PHF14: variants seen among roughly 807,000 people sequenced by gnomAD.
PHF14 encodes PHD finger protein 14.
A neutral mutation model predicts 117.9 loss-of-function variants in PHF14; 55 were observed. That is an observed-to-expected ratio of 0.47 (90% CI 0.38 to 0.58). The LOEUF is 0.58. PHF14 is among the 20% of genes least tolerant of loss of function. The pLI is 0.00. For synonymous variants in PHF14, 409 were observed against 368.6 expected (o/e 1.11, Z -1.26); for missense variants, 978 against 1,122.2 (o/e 0.87, Z 1.84).
chr7:11,056,920 T>G (rs945830598), intron 14 of PHF14, among the ~76,000 whole-genome samples: 1 of 151,644 alleles, frequency 6.6e-6, no homozygotes, highest in African/African-American at 2.4e-5. Context: ...TAATGCTATT[T>G]AGCTTAACAG....
At chr7:11,072,983 C>T (rs1402152578) in intron 16 of PHF14, among the ~76,000 whole-genome samples, 1 of 152,132 alleles carries the variant, frequency 6.6e-6, no homozygotes, top group African/African-American at 2.4e-5. Context: ...GGGATCTGCC[C>T]CTGTGGTCCA....
intron 17 of PHF14, among the ~76,000 whole-genome samples, chr7:11,161,023 G>T (rs1019749931): frequency 4.6e-5 from 7 of 152,124 alleles, no homozygotes; most frequent in Non-Finnish European, 7.4e-5. Flanking sequence ...CCTAGGTTTT[G>T]CTCTAAGATT....
intron 12 of PHF14, among the ~76,000 whole-genome samples, chr7:11,042,113 T>C (rs763454725): frequency 1.4e-4 from 22 of 151,932 alleles, no homozygotes; most frequent in Non-Finnish European, 2.8e-4. Context: ...ATGTGTGCGT[T>C]TTTAATTTTT....
chr7:11,117,621 G>GTATAAATACAAATATGTATTTT (rs1562474275), intron 17 of PHF14, among the ~76,000 whole-genome samples: 2 of 70,892 alleles, frequency 2.8e-5, no homozygotes, highest in African/African-American at 4.6e-5. Context: ...ATATGTATTT[G>GTATAAATACAAATATGTATTTT]TATGTATAAA....
intron 16 of PHF14, chr7:11,107,340 TAC>T: frequency 1.1e-6 from 1 of 920,008 alleles, no homozygotes; most frequent in Non-Finnish European, 1.3e-6. Flanking sequence ...GTATTTTACA[TAC>T]ATATAGACTG....
chr7:11,161,253 A>G (rs1008755677), intron 17 of PHF14, among the ~76,000 whole-genome samples: 1 of 152,164 alleles, frequency 6.6e-6, no homozygotes, highest in African/African-American at 2.4e-5. Flanking sequence ...TTTTCTCTCA[A>G]TACAAGTTTT....
chr7:11,013,381 C>T (rs1181140305), intron 4 of PHF14, among the ~76,000 whole-genome samples: 2 of 152,046 alleles, frequency 1.3e-5, no homozygotes, highest in African/African-American at 2.4e-5. Flanking sequence ...AGGCTGGTCT[C>T]GAACTCCTCA....
chr7:10,995,093 T>C (rs953810196), intron 4 of PHF14, among the ~76,000 whole-genome samples: 6 of 152,180 alleles, frequency 3.9e-5, no homozygotes, highest in African/African-American at 1.2e-4. Context: ...AGAGCACTGA[T>C]TGGTGCATTT....
chr7:11,107,822 T>A, intron 16 of PHF14: 1 of 751,046 alleles, frequency 1.3e-6, no homozygotes, highest in Non-Finnish European at 1.6e-6. Flanking sequence ...TTTGATAAAT[T>A]TTGTCCTATA....
intron 16 of PHF14, among the ~76,000 whole-genome samples, chr7:11,072,334 A>G (rs1052110415): frequency 1.8e-4 from 27 of 152,226 alleles, no homozygotes; most frequent in African/African-American, 6.3e-4. Flanking sequence ...TAAACCATTC[A>G]TGAGAAATCT....
intron 16 of PHF14, 160 bp downstream of exon 16, chr7:11,062,245 C>T: frequency 1.9e-6 from 1 of 524,110 alleles, no homozygotes; most frequent in Non-Finnish European, 3.3e-6. Context: ...ACTTCTTAAC[C>T]TCTCACACAT....
chr7:11,148,808 A>G (rs1788626613), intron 17 of PHF14, among the ~76,000 whole-genome samples: 2 of 152,216 alleles, frequency 1.3e-5, no homozygotes, highest in South Asian at 4.1e-4. Flanking sequence ...TCTAGTTAGA[A>G]GAAAAAGCGC....
intron 13 of PHF14, among the ~76,000 whole-genome samples, chr7:11,044,829 G>C (rs975021922): frequency 1.3e-5 from 2 of 152,050 alleles, no homozygotes; most frequent in African/African-American, 2.4e-5. Context: ...AAAGTGCTGG[G>C]GACCAGAAGT....
chr7:11,005,185 T>C (rs761561899), intron 4 of PHF14, among the ~76,000 whole-genome samples: 17 of 152,170 alleles, frequency 1.1e-4, no homozygotes, highest in Non-Finnish European at 2.4e-4. Context: ...CTAGCAACTT[T>C]CCACTTAATA....
At chr7:11,066,293 G>T (rs1003321071) in intron 16 of PHF14, among the ~76,000 whole-genome samples, 1 of 151,892 alleles carries the variant, frequency 6.6e-6, no homozygotes, top group African/African-American at 2.4e-5. Context: ...GTTTGTTTTC[G>T]TTGTCACTCA....
At chr7:11,014,282 C>T (rs1023765225) in intron 5 of PHF14, among the ~76,000 whole-genome samples, 38 of 152,022 alleles carry the variant, frequency 2.5e-4, no homozygotes, top group African/African-American at 9.2e-4. Flanking sequence ...AACTTTATAT[C>T]AGGAGATAGA....
rs1298962871 is a variant in PHF14 at position 11,036,781 on chromosome 7, G to A, written c.1873+93G>A. 7 of 1,181,148 alleles carry A rather than the reference G, an allele frequency of 5.9e-6. No homozygotes were observed. The East Asian group carries it at 7.5e-5, about 13-fold the overall frequency. The allele number at this position is 1,181,148 out of a possible 1,614,324, so 73.2% of individuals were successfully genotyped here. A position where few individuals can be genotyped will look rare whatever the true frequency, so the allele number is the denominator to read the frequency against. On this transcript the variant is annotated intron_variant, in intron 9 of 17. Transcript: ENST00000634607. ...ACTGTTAATTTTTAGAAATTTATTA[G>A]CCATGCTGCATATATCATAGAGGGA...
chr7:10,988,634 A>G (rs1345145369), intron 3 of PHF14, among the ~76,000 whole-genome samples: 2 of 144,664 alleles, frequency 1.4e-5, no homozygotes, highest in African/African-American at 2.6e-5. Flanking sequence ...TGCTCATTGG[A>G]GCTTGCAACT....
At chr7:11,079,274 G>A (rs1413991348) in intron 16 of PHF14, among the ~76,000 whole-genome samples, 2 of 152,078 alleles carry the variant, frequency 1.3e-5, no homozygotes, top group Middle Eastern at 3.2e-3. Context: ...GAGATGGCTC[G>A]GTAGCTGGCT....
Sources: gnomAD v4.1 joint callset for allele counts (sites outside exome capture counted in the v4.1 genomes callset) on GRCh38, gnomAD v4.1.1 for gene constraint, MANE v1.5 for transcripts, NCBI Gene and HGNC (gene_info 2026-07-23, HGNC 2026-07-21) for gene names.